Variants in RBFOX1 observed in about 807,000 individuals in gnomAD.
The protein encoded by RBFOX1 is RNA binding protein fox-1 homolog 1.
RBFOX1 carries 8 observed loss-of-function variants against 57.7 expected under a neutral mutation model. That is an observed-to-expected ratio of 0.14 (90% CI 0.08 to 0.25). The LOEUF (loss-of-function observed/expected upper bound fraction) is 0.25. RBFOX1 is among the 10% of genes least tolerant of loss of function. The pLI, the probability that RBFOX1 is intolerant of heterozygous loss-of-function variation, is 1.00. For missense variants in RBFOX1, 611 were observed against 548.5 expected, an observed-to-expected ratio of 1.11 and a Z score of -1.14; for synonymous variants, 326 against 222.4, an observed-to-expected ratio of 1.47 and a Z score of -4.15.
At chr16:6,167,755 C>T (rs1472507017) in intron 1 of RBFOX1, among the ~76,000 whole-genome samples, 1 of 152,118 alleles carries the variant, frequency 6.6e-6, no homozygotes, top group Non-Finnish European at 1.5e-5. Context: ...GGATGTGGTC[C>T]TGGGGCCTCA....
intron 5 of RBFOX1, among the ~76,000 whole-genome samples, chr16:7,563,514 C>G (rs1365467397): frequency 1.3e-5 from 2 of 152,164 alleles, no homozygotes; most frequent in African/African-American, 4.8e-5. Context: ...GTTGCCCAGG[C>G]TGGAGTGCAA....
chr16:7,049,272 G>T (rs1166047749), intron 3 of RBFOX1, among the ~76,000 whole-genome samples: 1 of 152,112 alleles, frequency 6.6e-6, no homozygotes, highest in Non-Finnish European at 1.5e-5. Flanking sequence ...AGTGTCAAGA[G>T]AAGAGAGGAA....
At chr16:7,201,022 ACT>A (rs914937609) in intron 4 of RBFOX1, among the ~76,000 whole-genome samples, 10 of 152,280 alleles carry the variant, frequency 6.6e-5, no homozygotes, top group African/African-American at 2.4e-4. Context: ...TTATTTGGGG[ACT>A]CTCTAAATAG....
chr16:5,366,037 G>A, intron 1 of RBFOX1: 1 of 487,328 alleles, frequency 2.1e-6, no homozygotes, highest in Admixed American at 2.1e-5. Flanking sequence ...CTTTGAAAAT[G>A]TCTGTACAGC....
At chr16:5,501,318 C>CAAAAAAAAAAAAAAAAAAAAAAAAAAA (rs1160788118) in intron 2 of RBFOX1, among the ~76,000 whole-genome samples, 6 of 64,890 alleles carry the variant, frequency 9.2e-5, no homozygotes, top group African/African-American at 1.9e-4. Context: ...ACTCTGTCTA[C>CAAAAAAAAAAAAAAAAAAAAAAAAAAA]AAAAAAAAAA....
chr16:7,038,483 A>G (rs2045193302), intron 3 of RBFOX1, among the ~76,000 whole-genome samples: 1 of 152,170 alleles, frequency 6.6e-6, no homozygotes, highest in African/African-American at 2.4e-5. Flanking sequence ...ACCTGGGGTA[A>G]TGGTTTATTA....
intron 2 of RBFOX1, among the ~76,000 whole-genome samples, chr16:6,336,022 C>T (rs550571267): frequency 2.0e-5 from 3 of 149,426 alleles, no homozygotes; most frequent in African/African-American, 2.4e-5. Flanking sequence ...TGACCTCAGT[C>T]TGTGACCTTG....
Position 5,719,503 on chromosome 16 carries a change from C to G in RBFOX1, c.318+120542C>G, listed in dbSNP as rs544196910. ...GGGATTGCAGGCATGAGCCACTGCC[C>G]TAGAATTTTTTTTATTATTAACCAA... On this transcript the variant is annotated intron_variant, in intron 3 of 19. Coordinates refer to the RBFOX1 transcript ENST00000641259. 2.6e-5 allele frequency among the ~76,000 whole-genome samples: 4 copies of G among 152,082 alleles called. No individual in the cohort carries two copies. The East Asian group carries it at 7.7e-4, about 29-fold the overall frequency.
At chr16:6,731,278 C>A (rs1192749706) in intron 3 of RBFOX1, among the ~76,000 whole-genome samples, 2 of 152,070 alleles carry the variant, frequency 1.3e-5, no homozygotes, top group Non-Finnish European at 2.9e-5. Flanking sequence ...TAGAGTTCTG[C>A]ACAACTAAAA....
At chr16:7,447,653 G>A (rs945075064) in intron 4 of RBFOX1, among the ~76,000 whole-genome samples, 15 of 152,136 alleles carry the variant, frequency 9.9e-5, no homozygotes. Context: ...ACTTTTCCTT[G>A]CATCTTCAGC....
intron 3 of RBFOX1, among the ~76,000 whole-genome samples, chr16:6,858,051 A>G (rs949074072): frequency 6.6e-6 from 1 of 152,214 alleles, no homozygotes; most frequent in African/African-American, 2.4e-5. Flanking sequence ...TGTTCATCCC[A>G]AGAATGGCCT....
At chr16:7,313,832 C>A (rs1002687798) in intron 4 of RBFOX1, among the ~76,000 whole-genome samples, 1 of 152,106 alleles carries the variant, frequency 6.6e-6, no homozygotes, top group Admixed American at 6.5e-5. Flanking sequence ...ACACTTAGAA[C>A]CACGATTCTG....
rs1296363561 is a variant in RBFOX1 at position 6,256,235 on chromosome 16, GTATATATATA to G, written c.-126-60758_-126-60749del. 1.6e-3 allele frequency among the ~76,000 whole-genome samples: 117 copies of G among 72,852 alleles called. 7 individuals are homozygous for G. Among genetic ancestry groups the G allele is most frequent in the East Asian group, 4.4e-3 (12 of 2,704 alleles). 47.8% of individuals were successfully genotyped at this position (72,852 alleles called of 152,430 possible). On this transcript the variant is annotated intron_variant, in intron 1 of 15. Coordinates refer to ENST00000550418, the MANE Select transcript of RBFOX1 (RefSeq NM_018723.4). Reference sequence around the variant, plus strand: ...TGTATATATATGTATATATATATGTGTATATATATATGTATATATATGTGTATATATATAT... The same window carrying G: ...TGTATATATATGTATATATATATGTGTGTATATATATGTGTATATATATAT...
At chr16:7,327,841 T>A (rs1170587833) in intron 4 of RBFOX1, among the ~76,000 whole-genome samples, 1 of 151,654 alleles carries the variant, frequency 6.6e-6, no homozygotes, top group East Asian at 1.9e-4. Context: ...TGCAGACAAA[T>A]CATTATCATG....
intron 4 of RBFOX1, among the ~76,000 whole-genome samples, chr16:7,222,820 C>G (rs988307167): frequency 4.6e-5 from 7 of 152,190 alleles, no homozygotes; most frequent in African/African-American, 1.2e-4. Context: ...GGGTACTCAT[C>G]ATGAAAGACT....
At chr16:7,685,030 T>C (rs1412932496) in intron 14 of RBFOX1, among the ~76,000 whole-genome samples, 3 of 152,072 alleles carry the variant, frequency 2.0e-5, no homozygotes, top group Non-Finnish European at 4.4e-5. Context: ...TTGTAAAGTG[T>C]AGTTTCCAGA....
chr16:6,948,518 G>C (rs1230961303), intron 3 of RBFOX1, among the ~76,000 whole-genome samples: 2 of 150,546 alleles, frequency 1.3e-5, no homozygotes, highest in Non-Finnish European at 3.0e-5. Flanking sequence ...AAGTAGCTTG[G>C]ACTAGAGGCG....
intron 2 of RBFOX1, among the ~76,000 whole-genome samples, chr16:6,500,892 T>TGTTTGTTTG (rs752870662): frequency 7.8e-5 from 2 of 25,802 alleles, no homozygotes; most frequent in East Asian, 1.5e-3. Flanking sequence ...TTTTTTTTTT[T>TGTTTGTTTG]TTTTTTTTTA....
At chr16:7,280,221 T>C (rs548260178) in intron 4 of RBFOX1, among the ~76,000 whole-genome samples, 3 of 152,336 alleles carry the variant, frequency 2.0e-5, no homozygotes, top group African/African-American at 7.2e-5. Flanking sequence ...CATTCAGCCT[T>C]GCCTTCATTG....
Sources: gnomAD v4.1 joint callset for allele counts (sites outside exome capture counted in the v4.1 genomes callset) on GRCh38, gnomAD v4.1.1 for gene constraint, MANE v1.5 for transcripts, NCBI Gene and HGNC (gene_info 2026-07-23, HGNC 2026-07-21) for gene names.